The following SEH1L variants were observed in gnomAD, a reference collection of about 807,000 sequenced individuals.
The protein encoded by SEH1L is SEH1 like nucleoporin.
In SEH1L, 18 loss-of-function variants were observed where a neutral mutation model predicts 49.5. That is an observed-to-expected ratio of 0.36 (90% CI 0.25 to 0.54). The LOEUF (loss-of-function observed/expected upper bound fraction) is 0.54, where lower values mean the gene tolerates loss of function less well. Ranked by LOEUF, SEH1L falls within the 20% of genes least tolerant of loss-of-function variation. SEH1L has a pLI of 0.87. For missense variants in SEH1L, 404 were observed against 528.8 expected, an observed-to-expected ratio of 0.76 and a Z score of 2.31; for synonymous variants, 169 against 178.1, an observed-to-expected ratio of 0.95 and a Z score of 0.41.
intron 5 of SEH1L, chr18:12,972,547 A>G (rs936979128): frequency 1.3e-5 from 2 of 152,208 alleles, no homozygotes; most frequent in Admixed American, 6.5e-5. Context: ...ACTAGACAAA[A>G]TTCTTGAGTC....
intron 4 of SEH1L, among the ~76,000 whole-genome samples, chr18:12,969,628 C>T (rs573685587): frequency 1.4e-4 from 21 of 149,902 alleles, no homozygotes; most frequent in African/African-American, 4.9e-4. Context: ...ATGGAGGTTG[C>T]AGTAAACCAA....
rs117403554 is a variant in SEH1L at position 12,984,362 on chromosome 18, A to T, written c.1070+172A>T. 5.1e-3 allele frequency: 3,528 copies of T among 690,092 alleles called. 7 individuals are homozygous for T. Among genetic ancestry groups the T allele is most frequent in the Non-Finnish European group, 6.4e-3 (2,605 of 407,026 alleles). 42.7% of individuals were successfully genotyped at this position (690,092 alleles called of 1,614,324 possible). The stretch of plus-strand genomic sequence containing the variant: ...AGCTATGTATTTGGCTTACTTGGTC[A>T]TAATATTTGCAGGTAGGTTATGAAG... On this transcript the variant is annotated intron_variant, in intron 8 of 8. Transcript: ENST00000399892.
At chr18:12,968,365 T>C (rs559935079) in intron 4 of SEH1L, among the ~76,000 whole-genome samples, 6 of 152,338 alleles carry the variant, frequency 3.9e-5, no homozygotes, top group East Asian at 3.9e-4. Flanking sequence ...CGATGAACCA[T>C]TGGGGCGCAG....
At chr18:12,969,211 GCCCCCCCCCC>G (rs112516463) in intron 4 of SEH1L, among the ~76,000 whole-genome samples, 41,371 of 55,906 alleles carry the variant, frequency 0.74, 15,251 homozygotes, top group Admixed American at 0.81. Context: ...CTCTGTACCC[GCCCCCCCCCC>G]CCCCCCCACC....
chr18:12,981,074 G>A (rs1568230104), intron 6 of SEH1L, among the ~76,000 whole-genome samples: 2 of 151,812 alleles, frequency 1.3e-5, no homozygotes, highest in Non-Finnish European at 2.9e-5. Context: ...CGGGGCGGTT[G>A]CCAGGCAGAG....
intron 1 of SEH1L, chr18:12,948,892 C>T (rs949297731): frequency 4.0e-5 from 6 of 150,528 alleles, no homozygotes; most frequent in Admixed American, 4.0e-4. Flanking sequence ...CTCTGTCACC[C>T]AGGCTGGAGT....
chr18:12,970,508 A>G (rs1196568358), intron 4 of SEH1L, among the ~76,000 whole-genome samples: 2 of 152,106 alleles, frequency 1.3e-5, no homozygotes, highest in African/African-American at 2.4e-5. Context: ...GCAGCCTCCA[A>G]CTCCTGGGCG....
rs982975982 is a variant in SEH1L, at chr18:12,963,170, C to A, written c.320C>A (p.Thr107Lys). 6.2e-7 allele frequency: 1 copy of A among 1,607,716 alleles called. No individual in the cohort carries two copies. Among genetic ancestry groups the A allele is most frequent in the Non-Finnish European group, 8.5e-7 (1 of 1,176,322 alleles). The change falls in exon 4 of 9, where the codon ACA becomes AAA. Residue 107 changes from threonine to lysine, a missense_variant. Thr to Lys is a moderately conservative substitution (Grantham distance 78). This residue lies in a region of SEH1L where 342 missense variants were observed against 430.8 expected (regional missense o/e 0.79). Transcript: ENST00000399892. ...TTATTTTTTTTTTAGGTTAAAAGGA[C>A]AACTCTGGTGGATAGCAGAACATCT... ...LRGQSHWVKR[T>K]TLVDSRTSVT...
intron 8 of SEH1L, chr18:12,985,260 C>A: frequency 6.2e-7 from 1 of 1,609,030 alleles, no homozygotes; most frequent in Non-Finnish European, 8.5e-7. Flanking sequence ...TGAGTACAAG[C>A]TAACTGGAGT....
chr18:12,965,546 T>A (rs2031411656), intron 4 of SEH1L, among the ~76,000 whole-genome samples: 1 of 152,226 alleles, frequency 6.6e-6, no homozygotes, highest in Admixed American at 6.5e-5. Context: ...TTTGACTCCA[T>A]GCTTAATTGA....
rs775509752 is a variant in SEH1L, at chr18:12,951,849, T to C, written c.112-6T>C. On this transcript the variant is annotated splice_region_variant and splice_polypyrimidine_tract_variant and intron_variant, in intron 1 of 8. Transcript: ENST00000399892. Reference sequence around the variant, plus strand: ...TATAAAATATCTGCCTTTTATTTTCTTATAGGTCTGGGATAAAAGTGAAAG... The same window carrying C: ...TATAAAATATCTGCCTTTTATTTTCCTATAGGTCTGGGATAAAAGTGAAAG... 2.6e-6 allele frequency: 4 copies of C among 1,555,138 alleles called. No individual in the cohort carries two copies. The highest frequency in any genetic ancestry group is 2.3e-5 in the East Asian group (1 of 43,810).
chr18:12,954,079 TA>T (rs574900493), intron 2 of SEH1L, among the ~76,000 whole-genome samples: 12 of 151,264 alleles, frequency 7.9e-5, no homozygotes, highest in South Asian at 4.2e-4. Context: ...AAAACAAGGT[TA>T]AAAAAAAAGG....
chr18:12,985,344 C>G, intron 8 of SEH1L: 5 of 1,548,162 alleles, frequency 3.2e-6, no homozygotes, highest in Non-Finnish European at 4.4e-6. Flanking sequence ...TCCCCAGCGC[C>G]GTTTGACCTC....
chr18:12,967,920 GAAAAAAAAGAAA>G (rs1026678511), intron 4 of SEH1L, among the ~76,000 whole-genome samples: 1 of 142,542 alleles, frequency 7.0e-6, no homozygotes, highest in African/African-American at 2.6e-5. Flanking sequence ...TCAAAAAAGA[GAAAAAAAAGAAA>G]AAAAAAAAGA....
intron 4 of SEH1L, among the ~76,000 whole-genome samples, chr18:12,965,174 G>A (rs2031389962): frequency 6.6e-6 from 1 of 151,538 alleles, no homozygotes; most frequent in Non-Finnish European, 1.5e-5. Context: ...CACCACGCCT[G>A]GCTAATTTTT....
chr18:12,986,535 A>G (rs2032464649), intron 8 of SEH1L: 4 of 965,786 alleles, frequency 4.1e-6, no homozygotes, highest in Non-Finnish European at 4.9e-6. Flanking sequence ...TGTTTCTGAG[A>G]GATTAGAAAA....
At chr18:12,983,999 G>A (rs2032370415) in intron 7 of SEH1L, 41 bp from the exon 8 acceptor site, 2 of 1,535,408 alleles carry the variant, frequency 1.3e-6, no homozygotes, top group Non-Finnish European at 1.8e-6. Flanking sequence ...CTTAGGCATT[G>A]GTATTAATCA....
At chr18:12,979,149 G>A (rs1410163496) in intron 6 of SEH1L, among the ~76,000 whole-genome samples, 1 of 150,544 alleles carries the variant, frequency 6.6e-6, no homozygotes, top group East Asian at 1.9e-4. Flanking sequence ...GACAATAGTG[G>A]AGGGAAGGTC....
Position 12,958,064 on chromosome 18 carries a change from C to CTTTTTTTTTTTTT in SEH1L, c.309+2480_309+2492dup, listed in dbSNP as rs57733399. Among the ~76,000 whole-genome samples, 6 of 62,046 alleles carry CTTTTTTTTTTTTT rather than the reference C, an allele frequency of 9.7e-5. 1 individual carries two copies. The highest frequency in any genetic ancestry group is 5.5e-4 in the East Asian group (1 of 1,826). The allele number at this position is 62,046 out of a possible 152,430, so 40.7% of individuals were successfully genotyped here. A position where few individuals can be genotyped will look rare whatever the true frequency, so the allele number is the denominator to read the frequency against. On this transcript the variant is annotated intron_variant, in intron 3 of 8. Transcript: ENST00000399892. ...TATAACATAATATTCCTCATTTTAA[C>CTTTTTTTTTTTTT]TTTTTTTTTTTTTTTTTTTTTTTTT...
Sources: allele counts gnomAD v4.1 joint callset (sites outside exome capture counted in the v4.1 genomes callset), GRCh38; gene constraint gnomAD v4.1.1; regional missense constraint gnomAD v4.1.1; transcripts MANE v1.5; gene names NCBI Gene and HGNC (gene_info 2026-07-23, HGNC 2026-07-21).